Variants in DTWD2 observed in about 807,000 individuals in gnomAD.
DTWD2 encodes the protein DTW motif tRNA-uridine aminocarboxypropyltransferase 2.
In DTWD2, 39 loss-of-function variants were observed where a neutral mutation model predicts 31.8. The observed-to-expected ratio is 1.22, with a 90% confidence interval of 0.95 to 1.60. The LOEUF (loss-of-function observed/expected upper bound fraction) is 1.60, where lower values mean the gene tolerates loss of function less well. Among genes scored for constraint, DTWD2 ranks in the 40% most tolerant of loss-of-function variants. The probability of loss-of-function intolerance (pLI) is 0.00; values close to 1 mark genes in which losing one functional copy is unlikely to be tolerated. For missense variants in DTWD2, 515 were observed against 381.5 expected, an observed-to-expected ratio of 1.35 and a Z score of -2.92; for synonymous variants, 180 against 142.8, an observed-to-expected ratio of 1.26 and a Z score of -1.86.
intron 1 of DTWD2, among the ~76,000 whole-genome samples, chr5:118,949,557 T>C (rs1374984129): frequency 6.6e-6 from 1 of 152,154 alleles, no homozygotes; most frequent in Admixed American, 6.6e-5. Context: ...AAGGAGAGTT[T>C]ATATGCTTTA....
chr5:118,883,512 C>T (rs1039132819), intron 4 of DTWD2, among the ~76,000 whole-genome samples: 2 of 152,190 alleles, frequency 1.3e-5, no homozygotes, highest in Admixed American at 1.3e-4. Flanking sequence ...AAAGACACTA[C>T]CTGAGACTGA....
intron 1 of DTWD2, among the ~76,000 whole-genome samples, chr5:118,965,584 A>T (rs1754824767): frequency 6.6e-6 from 1 of 152,224 alleles, no homozygotes; most frequent in Non-Finnish European, 1.5e-5. Flanking sequence ...ACTAAGAAAA[A>T]TTCTTCTGCC....
intron 4 of DTWD2, among the ~76,000 whole-genome samples, chr5:118,871,139 C>T (rs1752492371): frequency 6.6e-6 from 1 of 152,090 alleles, no homozygotes; most frequent in South Asian, 2.1e-4. Context: ...AGAAGCAAAT[C>T]CTCATCTGTT....
At chr5:118,974,753 G>C (rs1341504059) in intron 1 of DTWD2, 5 of 393,612 alleles carry the variant, frequency 1.3e-5, no homozygotes, top group Non-Finnish European at 2.6e-5. Flanking sequence ...TGATGTATGT[G>C]TGAAACAATG....
intron 4 of DTWD2, among the ~76,000 whole-genome samples, chr5:118,872,001 C>G (rs1752516263): frequency 6.6e-6 from 1 of 152,206 alleles, no homozygotes; most frequent in East Asian, 1.9e-4. Context: ...ACTTCTACAT[C>G]AGCACTTGAC....
At chr5:118,845,333 T>A in intron 5 of DTWD2, among the ~76,000 whole-genome samples, 1 of 152,156 alleles carries the variant, frequency 6.6e-6, no homozygotes, top group East Asian at 1.9e-4. Flanking sequence ...AAAACACCTA[T>A]GTTTAGGGCA....
intron 3 of DTWD2, 55 bp downstream of exon 3, chr5:118,939,141 T>G (rs1450858782): frequency 6.6e-7 from 1 of 1,511,188 alleles, no homozygotes; most frequent in Non-Finnish European, 8.9e-7. Context: ...AAGAAACCAT[T>G]TTTTAAGATC....
At chr5:118,870,854 T>G (rs772140960) in intron 4 of DTWD2, among the ~76,000 whole-genome samples, 11 of 151,846 alleles carry the variant, frequency 7.2e-5, no homozygotes, top group Non-Finnish European at 1.0e-4. Flanking sequence ...TTTTCCACAG[T>G]AAACTTTTTT....
chr5:118,950,550 C>G (rs890905568), intron 1 of DTWD2, among the ~76,000 whole-genome samples: 2 of 152,150 alleles, frequency 1.3e-5, no homozygotes, highest in Admixed American at 1.3e-4. Flanking sequence ...CTGGGAGTGG[C>G]TGCCGGGCAA....
chr5:118,932,559 G>A (rs1006337538), intron 3 of DTWD2, among the ~76,000 whole-genome samples: 14 of 152,262 alleles, frequency 9.2e-5, no homozygotes, highest in African/African-American at 3.1e-4. Context: ...GGTATTTAGA[G>A]ATAGAAAAAT....
Position 118,924,029 on chromosome 5 carries a change from A to G in DTWD2, c.597+4508T>C, listed in dbSNP as rs532486188. Among the ~76,000 whole-genome samples, 5 of 152,314 alleles carry G rather than the reference A, an allele frequency of 3.3e-5. No individual in the cohort carries two copies. In the South Asian group the frequency reaches 1.0e-3, roughly 32 times the overall value. Reference sequence around the variant, plus strand: ...AGTGTGGCTTCACACTAGTCAGAAGACACAGATTCTGTATCCCTCCCCTAC... The same window carrying G: ...AGTGTGGCTTCACACTAGTCAGAAGGCACAGATTCTGTATCCCTCCCCTAC... On this transcript the variant is annotated intron_variant, in intron 4 of 5. Coordinates refer to ENST00000510708, the MANE Select transcript of DTWD2 (RefSeq NM_173666.4).
At chr5:118,902,303 T>C (rs950946453) in intron 4 of DTWD2, among the ~76,000 whole-genome samples, 4 of 152,066 alleles carry the variant, frequency 2.6e-5, no homozygotes, top group Non-Finnish European at 5.9e-5. Context: ...TCAATAAATA[T>C]GTATAGAATG....
At chr5:118,908,338 C>G (rs1318724295) in intron 4 of DTWD2, among the ~76,000 whole-genome samples, 2 of 152,064 alleles carry the variant, frequency 1.3e-5, no homozygotes, top group Non-Finnish European at 2.9e-5. Context: ...GGAGCTAAAA[C>G]AGCTGGCAGC....
intron 1 of DTWD2, among the ~76,000 whole-genome samples, chr5:118,967,077 T>C (rs914052381): frequency 7.4e-6 from 1 of 135,658 alleles, no homozygotes; most frequent in Admixed American, 7.2e-5. Flanking sequence ...AAAAGTCAAA[T>C]AGTAACAGAA....
intron 1 of DTWD2, among the ~76,000 whole-genome samples, chr5:118,977,963 C>T (rs111591714): frequency 0.014 from 2,181 of 152,250 alleles, 54 homozygotes; most frequent in African/African-American, 0.049. Context: ...TACTACAAGG[C>T]TACAGTAATT....
chr5:118,984,855 C>G (rs562766602), intron 1 of DTWD2, among the ~76,000 whole-genome samples: 4 of 152,216 alleles, frequency 2.6e-5, no homozygotes, highest in Non-Finnish European at 5.9e-5. Context: ...AATTAAGATG[C>G]CTAAAATATT....
In DTWD2 at chr5:118,988,274, G is replaced by C; in HGVS notation, c.218+20C>G. On this transcript the variant is annotated intron_variant, in intron 1 of 5. Coordinates refer to ENST00000510708, the MANE Select transcript of DTWD2 (RefSeq NM_173666.4). ...AAGGCCGCTGCCGGCTGCAGTCCCC[G>C]CCCCCAGCCCCGCGGTCACCTGCAG... is the stretch of plus-strand genomic sequence containing the variant. 6.6e-7 allele frequency: 1 copy of C among 1,525,580 alleles called. No individual in the cohort carries two copies. The highest frequency in any genetic ancestry group is 8.8e-7 in the Non-Finnish European group (1 of 1,141,444). The allele number at this position is 1,525,580 out of a possible 1,614,324, so 94.5% of individuals were successfully genotyped here. A position where few individuals can be genotyped will look rare whatever the true frequency, so the allele number is the denominator to read the frequency against.
In DTWD2 at chr5:118,861,053, G is replaced by A. The variant is rs532140058; in HGVS notation, c.598-12835C>T. 1.4e-3 allele frequency among the ~76,000 whole-genome samples: 217 copies of A among 152,106 alleles called. 1 individual carries two copies. Among genetic ancestry groups the A allele is most frequent in the Non-Finnish European group, 2.6e-3 (178 of 68,006 alleles). On this transcript the variant is annotated intron_variant, in intron 4 of 5. Transcript: ENST00000510708. ...CTTCATTGCTTTACACTAGAATTGGGCTTTAAAGGACAATTTTCTCTAATT... is the reference window on the plus strand; with the variant it reads ...CTTCATTGCTTTACACTAGAATTGGACTTTAAAGGACAATTTTCTCTAATT...
Position 118,924,421 on chromosome 5 carries a change from C to T in DTWD2, c.597+4116G>A, listed in dbSNP as rs143566049. On this transcript the variant is annotated intron_variant, in intron 4 of 5. Coordinates refer to ENST00000510708, the MANE Select transcript of DTWD2 (RefSeq NM_173666.4). ...CACCGGTACATGATCTATATATGTC[C>T]TCGTTTAAGTTAGTTTGAGTCGAAA... 1.8e-4 allele frequency among the ~76,000 whole-genome samples: 28 copies of T among 152,244 alleles called. No homozygotes were observed. The East Asian group carries it at 5.4e-3, about 29-fold the overall frequency.
Sources: gnomAD v4.1 joint callset for allele counts (sites outside exome capture counted in the v4.1 genomes callset) on GRCh38, gnomAD v4.1.1 for gene constraint, MANE v1.5 for transcripts, NCBI Gene and HGNC (gene_info 2026-07-23, HGNC 2026-07-21) for gene names.